The following LNPEP variants were observed in gnomAD, a reference collection of about 807,000 sequenced individuals.
The protein encoded by LNPEP is leucyl-cystinyl aminopeptidase.
A neutral mutation model predicts 120.6 loss-of-function variants in LNPEP; 64 were observed. The observed-to-expected ratio is 0.53, with a 90% confidence interval of 0.43 to 0.65. The LOEUF (loss-of-function observed/expected upper bound fraction) is 0.65. LNPEP is among the 30% of genes least tolerant of loss of function. The pLI is 0.00. For missense variants in LNPEP, 1,057 were observed against 1,200.0 expected (o/e 0.88, Z 1.76); for synonymous variants, 435 against 425.4 (o/e 1.02, Z -0.28).
In LNPEP at chr5:96,994,050, T is replaced by G. The variant is rs548481234; in HGVS notation, c.1407+79T>G. 29 of 1,167,604 alleles carry G rather than the reference T, an allele frequency of 2.5e-5. 1 individual carries two copies. The Admixed American group carries it at 7.0e-4, about 28-fold the overall frequency. The allele number at this position is 1,167,604 out of a possible 1,614,324, so 72.3% of individuals were successfully genotyped here. On this transcript the variant is annotated intron_variant, in intron 6 of 17. Transcript: ENST00000231368. ...GGAGTTATTGTTAGCATTTAGATGC[T>G]AATAATTCTTTTTTTTTTTAAGCAT...
intron 1 of LNPEP, among the ~76,000 whole-genome samples, chr5:96,970,631 C>T (rs1318118805): frequency 6.6e-6 from 1 of 151,776 alleles, no homozygotes; most frequent in South Asian, 2.1e-4. Context: ...ATTAAGTGGG[C>T]AATTTTAGTA....
chr5:96,946,056 C>T (rs1789179112), intron 1 of LNPEP, among the ~76,000 whole-genome samples: 1 of 152,226 alleles, frequency 6.6e-6, no homozygotes, highest in African/African-American at 2.4e-5. Flanking sequence ...TGCCATGACA[C>T]TTGAGTCTTG....
chr5:97,007,413 A>T (rs1224143539), intron 11 of LNPEP, among the ~76,000 whole-genome samples: 2 of 152,166 alleles, frequency 1.3e-5, no homozygotes, highest in African/African-American at 4.8e-5. Flanking sequence ...TAGTAATTAT[A>T]CTTACTTTAT....
chr5:96,977,827 T>C (rs954655000), intron 1 of LNPEP, among the ~76,000 whole-genome samples: 1 of 152,186 alleles, frequency 6.6e-6, no homozygotes, highest in Non-Finnish European at 1.5e-5. Context: ...CATTGCCAGG[T>C]ATGAAATAAA....
chr5:96,966,451 A>C (rs1302664257), intron 1 of LNPEP, among the ~76,000 whole-genome samples: 1 of 151,722 alleles, frequency 6.6e-6, no homozygotes, highest in African/African-American at 2.4e-5. Flanking sequence ...AGTGAGCTAT[A>C]ATTGTGCCAT....
At chr5:96,952,493 A>G (rs1364212416) in intron 1 of LNPEP, among the ~76,000 whole-genome samples, 1 of 152,210 alleles carries the variant, frequency 6.6e-6, no homozygotes, top group Admixed American at 6.5e-5. Flanking sequence ...TTAGGAGTCC[A>G]CAGAAGGTAG....
rs1274530992 is a variant in LNPEP at position 97,033,329 on chromosome 5, G to T, written c.*4796G>T. The T allele has an allele frequency of 6.6e-6, 1 of 152,152 alleles. No individual in the cohort carries two copies. Among genetic ancestry groups the T allele is most frequent in the African/African-American group, 2.4e-5 (1 of 41,434 alleles). 9.4% of individuals were successfully genotyped at this position (152,152 alleles called of 1,614,324 possible). A position where few individuals can be genotyped will look rare whatever the true frequency, so the allele number is the denominator to read the frequency against. Reference sequence around the variant, plus strand: ...GGGAAGGTAGGAAAATGCACTTAATGTATATACATGTTTTTACTACTACAT... The same window carrying T: ...GGGAAGGTAGGAAAATGCACTTAATTTATATACATGTTTTTACTACTACAT... On this transcript the variant is annotated 3_prime_UTR_variant, in exon 18 of 18. Coordinates refer to ENST00000231368, the MANE Select transcript of LNPEP (RefSeq NM_005575.3).
At chr5:97,005,300 C>G (rs1328664712) in intron 9 of LNPEP, among the ~76,000 whole-genome samples, 1 of 151,930 alleles carries the variant, frequency 6.6e-6, no homozygotes, top group Non-Finnish European at 1.5e-5. Context: ...TAATTTGAAT[C>G]CTGAGTTTAA....
At position 97,030,732 on chromosome 5, in the gene LNPEP, C is replaced by A. The variant is rs1006214864; in HGVS notation, c.*2199C>A. 4 of 150,976 alleles carry A rather than the reference C, an allele frequency of 2.6e-5. No homozygotes were observed. Among genetic ancestry groups the A allele is most frequent in the Admixed American group, 6.6e-5 (1 of 15,120 alleles). 9.4% of individuals were successfully genotyped at this position (150,976 alleles called of 1,614,324 possible). A position where few individuals can be genotyped will look rare whatever the true frequency, so the allele number is the denominator to read the frequency against. ...AACTTGGCCTGAAAAAGAGATAACT[C>A]ATGATCCATTGCTATCTTTATTACT... On this transcript the variant is annotated 3_prime_UTR_variant, in exon 18 of 18. Transcript: ENST00000231368.
At position 96,986,519 on chromosome 5, in the gene LNPEP, CT is replaced by C; in HGVS notation, c.1000-16del. The C allele has an allele frequency of 6.2e-7, 1 of 1,608,506 alleles. No homozygotes were observed. The highest frequency in any genetic ancestry group is 8.5e-7 in the Non-Finnish European group (1 of 1,176,700). Reference sequence around the variant, plus strand: ...TTTATTCCTATAGTTACAGAACTGTCTTTTCCCCTTTGCTTGTAGAAGTCAT... The same window carrying C: ...TTTATTCCTATAGTTACAGAACTGTCTTTCCCCTTTGCTTGTAGAAGTCAT... On this transcript the variant is annotated intron_variant, in intron 3 of 17. Coordinates refer to ENST00000231368, the MANE Select transcript of LNPEP (RefSeq NM_005575.3).
intron 4 of LNPEP, among the ~76,000 whole-genome samples, chr5:96,989,504 C>T (rs1329353051): frequency 1.4e-5 from 2 of 147,804 alleles, no homozygotes; most frequent in African/African-American, 5.0e-5. Flanking sequence ...CAGTGTTAAC[C>T]TTCTTTGAGA....
chr5:97,026,481 C>T (rs1453278681), intron 15 of LNPEP, 136 bp from the exon 16 acceptor site: 10 of 633,906 alleles, frequency 1.6e-5, no homozygotes, highest in South Asian at 2.4e-5. Context: ...ATAGATCAAC[C>T]GTAGACTAAT....
At chr5:96,983,267 A>T (rs183710965) in intron 2 of LNPEP, among the ~76,000 whole-genome samples, 57 of 152,010 alleles carry the variant, frequency 3.7e-4, no homozygotes, top group African/African-American at 1.3e-3. Context: ...TGGTGGTTGT[A>T]TATGTGCTAT....
intron 13 of LNPEP, among the ~76,000 whole-genome samples, chr5:97,018,166 G>A (rs1791109789): frequency 6.6e-6 from 1 of 152,124 alleles, no homozygotes; most frequent in Admixed American, 6.6e-5. Context: ...CAATAAATAA[G>A]ATTAGTGCAT....
At chr5:96,990,903 G>C (rs1339402893) in intron 4 of LNPEP, among the ~76,000 whole-genome samples, 1 of 152,222 alleles carries the variant, frequency 6.6e-6, no homozygotes, top group South Asian at 2.1e-4. Flanking sequence ...AGAAATTGTT[G>C]ACAGTTTTTT....
intron 1 of LNPEP, among the ~76,000 whole-genome samples, chr5:96,962,971 C>T (rs1789641761): frequency 6.6e-6 from 1 of 152,078 alleles, no homozygotes; most frequent in Non-Finnish European, 1.5e-5. Context: ...ACAACAAGGC[C>T]TTTGGGCTTA....
chr5:96,989,844 G>A (rs966036524), intron 4 of LNPEP, among the ~76,000 whole-genome samples: 1 of 152,202 alleles, frequency 6.6e-6, no homozygotes, highest in African/African-American at 2.4e-5. Context: ...GGAAGAGAAA[G>A]TATTAAACTA....
At chr5:97,019,206 C>T (rs1227699679) in intron 13 of LNPEP, among the ~76,000 whole-genome samples, 2 of 151,988 alleles carry the variant, frequency 1.3e-5, no homozygotes, top group Admixed American at 6.6e-5. Context: ...GCTTGTATAA[C>T]CCATCAATTT....
At chr5:97,000,452 C>CATG (rs34028025) in intron 8 of LNPEP, among the ~76,000 whole-genome samples, 97,313 of 151,652 alleles carry the variant, frequency 0.64, 31,464 homozygotes, top group Middle Eastern at 0.74. Context: ...CCCACTATTG[C>CATG]ATAAGAGTGG....
Sources: allele counts gnomAD v4.1 joint callset (sites outside exome capture counted in the v4.1 genomes callset), GRCh38; gene constraint gnomAD v4.1.1; transcripts MANE v1.5; gene names NCBI Gene and HGNC (gene_info 2026-07-23, HGNC 2026-07-21).